The following APBA2 variants were observed in gnomAD, a reference collection of about 807,000 sequenced individuals.
APBA2 encodes the protein amyloid-beta A4 precursor protein-binding family A member 2.
Under a neutral mutation model 75.0 loss-of-function variants are expected in APBA2, and 30 were observed. The ratio of observed to expected loss-of-function variants is 0.40; its 90% CI spans 0.30 to 0.54. APBA2 has a LOEUF of 0.54. APBA2 is among the 20% of genes least tolerant of loss of function. The probability of loss-of-function intolerance (pLI) is 0.49; values close to 1 mark genes in which losing one functional copy is unlikely to be tolerated. For synonymous variants in APBA2, 444 were observed against 409.6 expected (o/e 1.08, Z -1.01); for missense variants, 801 against 1,016.1 (o/e 0.79, Z 2.88).
At chr15:29,030,163 C>T (rs1595772869) in intron 3 of APBA2, among the ~76,000 whole-genome samples, 1 of 152,096 alleles carries the variant, frequency 6.6e-6, no homozygotes, top group Admixed American at 6.5e-5. Context: ...TGTGCTCACT[C>T]TAAAGGAGAA....
At chr15:29,070,827 T>C (rs1291018799) in intron 4 of APBA2, 1 of 294,680 alleles carries the variant, frequency 3.4e-6, no homozygotes, top group African/African-American at 2.2e-5. Flanking sequence ...CCTGTTGAAA[T>C]ATCAGATGAG....
intron 14 of APBA2, among the ~76,000 whole-genome samples, chr15:29,115,002 GTGTC>G (rs1273218442): frequency 1.3e-5 from 2 of 151,806 alleles, no homozygotes; most frequent in Non-Finnish European, 2.9e-5. Context: ...GTGAGTGGGT[GTGTC>G]TGTGTGTGTG....
At position 28,918,887 on chromosome 15, in the gene APBA2, T is replaced by G. The variant is rs2033819830; in HGVS notation, c.-204-2753T>G. Reference sequence around the variant, plus strand: ...TATTTTTTTTTTTTTGTAGACGGAGTCGCGCTCTGTCTCCCAGGCTGGAGT... The same window carrying G: ...TATTTTTTTTTTTTTGTAGACGGAGGCGCGCTCTGTCTCCCAGGCTGGAGT... On this transcript the variant is annotated intron_variant, in intron 1 of 14. Transcript: ENST00000683413. The surrounding 1 kb of genome is among the most constrained non-coding windows in gnomAD (Gnocchi z 4.2). Among the ~76,000 whole-genome samples, 2 of 150,018 alleles carry G rather than the reference T, an allele frequency of 1.3e-5. No homozygotes were observed.
chr15:28,925,852 A>C (rs1015051005), intron 2 of APBA2, among the ~76,000 whole-genome samples: 2 of 152,138 alleles, frequency 1.3e-5, no homozygotes, highest in Non-Finnish European at 2.9e-5. Context: ...TATTTCAATT[A>C]TCTGTTGTTA....
intron 3 of APBA2, among the ~76,000 whole-genome samples, chr15:29,050,645 C>T (rs2152881662): frequency 6.6e-6 from 1 of 152,218 alleles, no homozygotes; most frequent in East Asian, 1.9e-4. Flanking sequence ...TTAATAGGAT[C>T]TGGACTGTTC....
intron 2 of APBA2, among the ~76,000 whole-genome samples, chr15:28,973,184 G>C (rs1365889326): frequency 6.6e-6 from 1 of 152,222 alleles, no homozygotes; most frequent in East Asian, 1.9e-4. Context: ...GGAATAACCA[G>C]TGATATCACA....
At chr15:28,920,962 G>T (rs574791469) in intron 1 of APBA2, among the ~76,000 whole-genome samples, 3 of 152,172 alleles carry the variant, frequency 2.0e-5, no homozygotes, top group Non-Finnish European at 4.4e-5. Flanking sequence ...TCAGTAAGGG[G>T]TGCTGGCTGA....
At chr15:29,042,380 C>T (rs139820275) in intron 3 of APBA2, among the ~76,000 whole-genome samples, 1 of 152,240 alleles carries the variant, frequency 6.6e-6, no homozygotes, top group East Asian at 1.9e-4. Flanking sequence ...TTAAGAGAGT[C>T]TCCTGCCTCA....
rs2042782184 is a variant in APBA2, at chr15:29,074,921, G to A, written c.952G>A (p.Val318Ile). The change falls in exon 5 of 15, where the codon GTT becomes ATT. Residue 318 changes from valine to isoleucine, a missense_variant and splice_region_variant. Around this residue, in one of 2 missense-constraint regions of APBA2, gnomAD observed 434 missense variants for 471.6 expected, o/e 0.92. Transcript: ENST00000683413. Reference protein sequence around the residue: ...EERLKWPHEQVCNGLEQPRKQ... With the variant: ...EERLKWPHEQICNGLEQPRKQ... ...CGATCTTTAACTTCCCCGTTTCCAG[G>A]TTTGCAATGGTCTGGAGCAGCCAAG... 1 of 1,613,920 alleles carries A rather than the reference G, an allele frequency of 6.2e-7. No individual in the cohort carries two copies. The highest frequency in any genetic ancestry group is 1.7e-5 in the Admixed American group (1 of 60,006).
At chr15:28,984,815 C>G (rs930637272) in intron 2 of APBA2, among the ~76,000 whole-genome samples, 2 of 150,688 alleles carry the variant, frequency 1.3e-5, no homozygotes, top group South Asian at 2.1e-4. Context: ...TCTCTCCCCC[C>G]TCCCACTGCC....
chr15:29,040,901 C>A (rs1271503321), intron 3 of APBA2, among the ~76,000 whole-genome samples: 4 of 151,854 alleles, frequency 2.6e-5, no homozygotes, highest in Non-Finnish European at 4.4e-5. Context: ...CAAATGTCAA[C>A]CCTGAGATGA....
chr15:28,944,563 A>G (rs1322948493), intron 2 of APBA2, among the ~76,000 whole-genome samples: 1 of 152,176 alleles, frequency 6.6e-6, no homozygotes, highest in Non-Finnish European at 1.5e-5. Flanking sequence ...TCTGTTTCTT[A>G]GAGTCGATGT....
intron 10 of APBA2, among the ~76,000 whole-genome samples, chr15:29,104,023 C>A (rs1036368029): frequency 6.6e-6 from 1 of 152,230 alleles, no homozygotes; most frequent in Admixed American, 6.5e-5. Context: ...CGGCTTAGGG[C>A]CCGTCAGGGA....
intron 2 of APBA2, among the ~76,000 whole-genome samples, chr15:28,979,078 GC>G (rs1240899089): frequency 2.6e-5 from 4 of 152,224 alleles, no homozygotes; most frequent in African/African-American, 9.6e-5. Flanking sequence ...CTGGAGGCAA[GC>G]TGATCCCTGA....
At chr15:28,907,318 A>G (rs576679565) in intron 1 of APBA2, among the ~76,000 whole-genome samples, 2 of 151,986 alleles carry the variant, frequency 1.3e-5, no homozygotes, top group African/African-American at 2.4e-5. Context: ...GTGTTTCTGG[A>G]TTCTCCATTC....
chr15:29,074,773 A>G, intron 4 of APBA2, 148 bp from the exon 5 acceptor site: 1 of 668,764 alleles, frequency 1.5e-6, no homozygotes. Flanking sequence ...CAGTTTAAGT[A>G]TAATTAAATA....
At chr15:29,103,856 GGGC>G (rs2044259684) in intron 10 of APBA2, among the ~76,000 whole-genome samples, 2 of 152,186 alleles carry the variant, frequency 1.3e-5, no homozygotes, top group Admixed American at 1.3e-4. Flanking sequence ...TCTCCTGCGC[GGGC>G]GCTGCCCCCG....
intron 3 of APBA2, among the ~76,000 whole-genome samples, chr15:29,006,740 G>T (rs2039136750): frequency 6.6e-6 from 1 of 152,154 alleles, no homozygotes; most frequent in African/African-American, 2.4e-5. Flanking sequence ...CCACCCCCAT[G>T]ATACAGTTAT....
rs3794512 is a variant in APBA2 at position 29,111,422 on chromosome 15, G to A, written c.2038-2454G>A. Among the ~76,000 whole-genome samples the A allele has an allele frequency of 1.7e-4, 26 of 152,232 alleles. 1 individual carries two copies. The East Asian group carries it at 5.0e-3, about 29-fold the overall frequency. On this transcript the variant is annotated intron_variant, in intron 13 of 14. Coordinates refer to ENST00000683413, the MANE Select transcript of APBA2 (RefSeq NM_001353788.2). Reference sequence around the variant, plus strand: ...AGAGGGGCAAATGCTGGCTGTCAGGGGCTTTCTCCAGGATACAGGACAGCT... The same window carrying A: ...AGAGGGGCAAATGCTGGCTGTCAGGAGCTTTCTCCAGGATACAGGACAGCT...
Sources: allele counts gnomAD v4.1 joint callset (sites outside exome capture counted in the v4.1 genomes callset), GRCh38; gene constraint gnomAD v4.1.1; regional missense constraint gnomAD v4.1.1; non-coding constraint Gnocchi (gnomAD v3.1); transcripts MANE v1.5; gene names NCBI Gene and HGNC (gene_info 2026-07-23, HGNC 2026-07-21).